THSD7A: variants seen among roughly 807,000 people sequenced by gnomAD.
THSD7A encodes thrombospondin type-1 domain-containing protein 7A.
THSD7A carries 96 observed loss-of-function variants against 231.3 expected under a neutral mutation model. The ratio of observed to expected loss-of-function variants is 0.41; its 90% CI spans 0.35 to 0.49. The LOEUF is 0.49. Among genes scored for constraint, THSD7A ranks in the 20% least tolerant of loss-of-function variants. THSD7A has a pLI of 0.05. For missense variants in THSD7A, 2,290 were observed against 2,070.2 expected (o/e 1.11, Z -2.06); for synonymous variants, 940 against 743.3 (o/e 1.26, Z -4.30).
intron 17 of THSD7A, among the ~76,000 whole-genome samples, chr7:11,415,684 T>C (rs1325508976): frequency 6.6e-6 from 1 of 152,230 alleles, no homozygotes; most frequent in African/African-American, 2.4e-5. Context: ...TGCCTGTCTC[T>C]CTTCCTAAGT....
At chr7:11,668,052 T>C (rs1783216294) in intron 1 of THSD7A, among the ~76,000 whole-genome samples, 1 of 152,142 alleles carries the variant, frequency 6.6e-6, no homozygotes, top group Non-Finnish European at 1.5e-5. Flanking sequence ...TGAGTCTTGA[T>C]AACAAACTGT....
chr7:11,561,651 A>T (rs148081011), intron 4 of THSD7A, among the ~76,000 whole-genome samples: 2,634 of 152,272 alleles, frequency 0.017, 39 homozygotes, highest in Non-Finnish European at 0.024. Flanking sequence ...CGGGTGGATT[A>T]CTTGAGGCTA....
intron 7 of THSD7A, among the ~76,000 whole-genome samples, chr7:11,480,606 G>A (rs1233712310): frequency 6.6e-6 from 1 of 151,934 alleles, no homozygotes; most frequent in Non-Finnish European, 1.5e-5. Flanking sequence ...ATATATTAAG[G>A]TGGTAGGAAA....
chr7:11,401,700 C>A (rs1783409197), intron 23 of THSD7A, 95 bp downstream of exon 23: 3 of 1,215,764 alleles, frequency 2.5e-6, no homozygotes, highest in Non-Finnish European at 3.3e-6. Context: ...GCGTGAGCCA[C>A]CGCACGTGGC....
chr7:11,567,266 C>CTT (rs1348200930), intron 4 of THSD7A, among the ~76,000 whole-genome samples: 1 of 151,478 alleles, frequency 6.6e-6, no homozygotes, highest in Non-Finnish European at 1.5e-5. Flanking sequence ...AAGACACTTC[C>CTT]CCCTCAAGGC....
intron 1 of THSD7A, among the ~76,000 whole-genome samples, chr7:11,706,803 C>T (rs1330359210): frequency 6.6e-6 from 1 of 150,424 alleles, no homozygotes; most frequent in Admixed American, 6.7e-5. Flanking sequence ...CATTAAAGTA[C>T]ATTTATCAGA....
chr7:11,523,201 G>T (rs1788337379), intron 6 of THSD7A, among the ~76,000 whole-genome samples: 1 of 151,996 alleles, frequency 6.6e-6, no homozygotes, highest in African/African-American at 2.4e-5. Flanking sequence ...CGATTCAACA[G>T]CAGAGTCATA....
Position 11,831,830 on chromosome 7 carries a change from C to G in THSD7A, c.117G>C (p.Leu39=). ...CAGCCCTGCCGGCGCCCGGGCGTAG[C>G]AGCAGCAGCAGGAGCAGCGGCAGCG... The part of the protein sequence containing the change: ...PLPLPLLLLL[L]LRPGAGRAAA... Residue 39 remains leucine, a synonymous_variant, in exon 1 of 28, where the codon CTG becomes CTC. Transcript: ENST00000423059. The surrounding 1 kb of genome is among the most constrained non-coding windows in gnomAD (Gnocchi z 5.0). 7.1e-7 allele frequency: 1 copy of G among 1,412,540 alleles called. No homozygotes were observed. The highest frequency in any genetic ancestry group is 1.7e-5 in the South Asian group (1 of 59,116). The allele number at this position is 1,412,540 out of a possible 1,614,324, so 87.5% of individuals were successfully genotyped here.
chr7:11,390,421 C>T (rs1206271182), intron 23 of THSD7A, among the ~76,000 whole-genome samples: 3 of 152,118 alleles, frequency 2.0e-5, no homozygotes, highest in African/African-American at 2.4e-5. Context: ...GTATGCTTCA[C>T]GAAATTTTTG....
chr7:11,602,859 T>A (rs549198628), intron 2 of THSD7A, among the ~76,000 whole-genome samples: 4 of 151,370 alleles, frequency 2.6e-5, no homozygotes, highest in Admixed American at 2.6e-4. Flanking sequence ...CTCAGGTTTT[T>A]ATGGTTTTAG....
chr7:11,538,673 T>C (rs17164736), intron 6 of THSD7A, among the ~76,000 whole-genome samples: 11,162 of 152,236 alleles, frequency 0.073, 620 homozygotes, highest in East Asian at 0.18. Context: ...ATTTGTTCTA[T>C]TACAGTGAAA....
intron 2 of THSD7A, among the ~76,000 whole-genome samples, chr7:11,608,042 C>T (rs1267773759): frequency 2.0e-5 from 3 of 152,124 alleles, no homozygotes; most frequent in African/African-American, 4.8e-5. Context: ...ACAGTGAATG[C>T]TTGCATGCAG....
chr7:11,648,091 T>A (rs181578171), intron 1 of THSD7A, among the ~76,000 whole-genome samples: 245 of 152,236 alleles, frequency 1.6e-3, no homozygotes, highest in African/African-American at 5.8e-3. Flanking sequence ...TCTAATCAAC[T>A]AGATAAGCCA....
intron 1 of THSD7A, among the ~76,000 whole-genome samples, chr7:11,651,428 A>G (rs1407780892): frequency 1.3e-5 from 2 of 151,994 alleles, no homozygotes; most frequent in Non-Finnish European, 2.9e-5. Context: ...AATGGTCAAA[A>G]TAGTAAATTT....
chr7:11,387,191 C>T (rs932423762), intron 23 of THSD7A, among the ~76,000 whole-genome samples: 7 of 152,036 alleles, frequency 4.6e-5, no homozygotes, highest in Non-Finnish European at 7.4e-5. Context: ...CTTGGCTATG[C>T]GGGCTCTTTT....
chr7:11,528,818 T>C (rs1437624825), intron 6 of THSD7A, among the ~76,000 whole-genome samples: 4 of 152,180 alleles, frequency 2.6e-5, no homozygotes, highest in Non-Finnish European at 5.9e-5. Flanking sequence ...TCTCTTTTTT[T>C]ACTTCCTAAT....
intron 1 of THSD7A, among the ~76,000 whole-genome samples, chr7:11,790,594 A>G (rs1368246693): frequency 6.6e-6 from 1 of 152,096 alleles, no homozygotes; most frequent in African/African-American, 2.4e-5. Context: ...CTATTTAAAA[A>G]TGTTTCTTAA....
chr7:11,459,366 C>T (rs1053632091), intron 11 of THSD7A, among the ~76,000 whole-genome samples: 1 of 152,072 alleles, frequency 6.6e-6, no homozygotes, highest in Admixed American at 6.6e-5. Flanking sequence ...CAAATCAATG[C>T]CTGATTCAAG....
chr7:11,786,631 C>T (rs898319664), intron 1 of THSD7A, among the ~76,000 whole-genome samples: 22 of 144,112 alleles, frequency 1.5e-4, no homozygotes, highest in African/African-American at 5.9e-4. Context: ...AACTTCTTAA[C>T]GGAATAATAA....
Sources: allele counts gnomAD v4.1 joint callset (sites outside exome capture counted in the v4.1 genomes callset), GRCh38; gene constraint gnomAD v4.1.1; non-coding constraint Gnocchi (gnomAD v3.1); transcripts MANE v1.5; gene names NCBI Gene and HGNC (gene_info 2026-07-23, HGNC 2026-07-21).